The following VPS54 variants were observed in gnomAD, a reference collection of about 807,000 sequenced individuals.
The protein encoded by VPS54 is VPS54 subunit of GARP complex.
A neutral mutation model predicts 121.5 loss-of-function variants in VPS54; 45 were observed. That is an observed-to-expected ratio of 0.37 (90% confidence interval 0.29 to 0.47). The LOEUF (loss-of-function observed/expected upper bound fraction) is 0.47, where lower values mean the gene tolerates loss of function less well. VPS54 is among the 20% of genes least tolerant of loss of function. VPS54 has a pLI of 0.99. For missense variants in VPS54, 1,090 were observed against 1,131.4 expected (o/e 0.96, Z 0.52); for synonymous variants, 371 against 385.8 (o/e 0.96, Z 0.45).
chr2:63,953,879 C>T (rs1364050970), intron 7 of VPS54, among the ~76,000 whole-genome samples: 1 of 152,288 alleles, frequency 6.6e-6, no homozygotes, highest in East Asian at 1.9e-4. Context: ...ACTGTGATTA[C>T]TAATGACACT....
rs367716164 is a variant in VPS54, at chr2:63,979,788, C to T, written c.378+1858G>A. On this transcript the variant is annotated intron_variant, in intron 3 of 22. Coordinates refer to ENST00000272322, the MANE Select transcript of VPS54 (RefSeq NM_016516.3). Reference sequence around the variant, plus strand: ...TTTCCAAATATCTGTGGATTTTCCACCAACCTTTCCATTATTAATTTCTAT... The same window carrying T: ...TTTCCAAATATCTGTGGATTTTCCATCAACCTTTCCATTATTAATTTCTAT... Among the ~76,000 whole-genome samples the T allele has an allele frequency of 1.2e-4, 18 of 152,270 alleles. No individual in the cohort carries two copies. The East Asian group carries it at 2.3e-3, about 20-fold the overall frequency.
intron 22 of VPS54, among the ~76,000 whole-genome samples, chr2:63,896,237 A>G (rs1393429869): frequency 6.6e-6 from 1 of 152,168 alleles, no homozygotes; most frequent in Non-Finnish European, 1.5e-5. Flanking sequence ...GGGTTCAGGT[A>G]TTACGGTTGT....
chr2:63,893,796 TCA>T (rs1672327590), intron 22 of VPS54, among the ~76,000 whole-genome samples: 1 of 152,010 alleles, frequency 6.6e-6, no homozygotes, highest in South Asian at 2.1e-4. Flanking sequence ...CCCAAGAAAA[TCA>T]GATTTATCTT....
Position 63,916,760 on chromosome 2 carries a change from T to C in VPS54, c.2228+140A>G, listed in dbSNP as rs144481145. On this transcript the variant is annotated intron_variant, in intron 16 of 22. Transcript: ENST00000272322. Reference sequence around the variant, plus strand: ...TCCATAAAGTTTCCTTTAAGTTCTTTGCAGGATTTAAAACAGTTAATCCAA... The same window carrying C: ...TCCATAAAGTTTCCTTTAAGTTCTTCGCAGGATTTAAAACAGTTAATCCAA... 7.5e-4 allele frequency: 552 copies of C among 735,136 alleles called. 2 individuals carry two copies. The African/African-American group carries it at 8.9e-3, about 12-fold the overall frequency. 45.5% of individuals were successfully genotyped at this position (735,136 alleles called of 1,614,324 possible).
chr2:63,967,067 G>C (rs953801442), intron 5 of VPS54, among the ~76,000 whole-genome samples: 2 of 151,978 alleles, frequency 1.3e-5, no homozygotes, highest in Non-Finnish European at 2.9e-5. Context: ...TCTCCCTCTG[G>C]AGACCATATG....
At chr2:64,001,212 AAGGGCTCTTCAGTCAGCTTG>A (rs564799092) in intron 1 of VPS54, among the ~76,000 whole-genome samples, 102 of 152,154 alleles carry the variant, frequency 6.7e-4, no homozygotes, top group Non-Finnish European at 1.3e-3. Flanking sequence ...CACAAGATAC[AAGGGCTCTTCAGTCAGCTTG>A]TGGTGAAGGC....
In VPS54 at chr2:64,019,399, G is replaced by A. The variant is rs1678871568; in HGVS notation, c.-482C>T. On this transcript the variant is annotated 5_prime_UTR_variant, in exon 1 of 23. Transcript: ENST00000272322. ...GGTCGGGTGCGGGGAGACAGCGCCGGAGGCCGCCGCAGCCCCCAGCCCACA... is the reference window on the plus strand; with the variant it reads ...GGTCGGGTGCGGGGAGACAGCGCCGAAGGCCGCCGCAGCCCCCAGCCCACA... 6.6e-6 allele frequency among the ~76,000 whole-genome samples: 1 copy of A among 151,060 alleles called. No homozygotes were observed. Among genetic ancestry groups the A allele is most frequent in the East Asian group, 2.0e-4 (1 of 5,114 alleles).
chr2:63,975,040 T>C, intron 3 of VPS54: 5 of 1,548,860 alleles, frequency 3.2e-6, no homozygotes, highest in Non-Finnish European at 3.5e-6. Context: ...TACAGAGTTT[T>C]TGTAGATTTT....
chr2:63,967,098 T>C (rs1449807292), intron 5 of VPS54, among the ~76,000 whole-genome samples: 2 of 152,176 alleles, frequency 1.3e-5, no homozygotes, highest in African/African-American at 4.8e-5. Flanking sequence ...GTTAAATTTA[T>C]AGCTTATTTT....
chr2:63,926,609 A>G (rs1315058142), intron 12 of VPS54, among the ~76,000 whole-genome samples: 11 of 152,196 alleles, frequency 7.2e-5, no homozygotes, highest in African/African-American at 2.4e-4. Flanking sequence ...CAACTGAGGT[A>G]CCTGGTTCAT....
chr2:63,997,857 A>AT lies in VPS54; in HGVS notation c.-20-13839dup, dbSNP rs531992177. On this transcript the variant is annotated intron_variant, in intron 1 of 22. Coordinates refer to ENST00000272322, the MANE Select transcript of VPS54 (RefSeq NM_016516.3). ...AGCTATAAACTTTCCTCTTTGTATCATTTTTGCTGTATCCTCATAGATTTT... is the reference window on the plus strand; with the variant it reads ...AGCTATAAACTTTCCTCTTTGTATCATTTTTTGCTGTATCCTCATAGATTTT... Among the ~76,000 whole-genome samples the AT allele has an allele frequency of 2.6e-5, 4 of 151,452 alleles. No individual in the cohort carries two copies. The South Asian group carries it at 6.3e-4, about 24-fold the overall frequency.
At chr2:64,001,063 T>A (rs565122020) in intron 1 of VPS54, among the ~76,000 whole-genome samples, 68 of 152,364 alleles carry the variant, frequency 4.5e-4, no homozygotes, top group African/African-American at 1.5e-3. Flanking sequence ...TCTATTATAC[T>A]GCAGCTGAGC....
chr2:63,930,989 A>G (rs1171029261), intron 12 of VPS54, among the ~76,000 whole-genome samples: 1 of 152,234 alleles, frequency 6.6e-6, no homozygotes, highest in African/African-American at 2.4e-5. Context: ...GGAGAACTAC[A>G]AACCACTGCT....
At chr2:63,958,958 A>C (rs1273082539) in intron 7 of VPS54, among the ~76,000 whole-genome samples, 2 of 152,208 alleles carry the variant, frequency 1.3e-5, no homozygotes, top group South Asian at 2.1e-4. Flanking sequence ...TTCAAGTAGA[A>C]TATTTCTTAT....
intron 21 of VPS54, 37 bp downstream of exon 21, chr2:63,899,437 T>G: frequency 3.8e-6 from 6 of 1,569,498 alleles, no homozygotes; most frequent in Non-Finnish European, 4.4e-6. Flanking sequence ...TATTGTATGT[T>G]ATATATACAT....
chr2:63,913,615 T>C (rs1673249407), intron 17 of VPS54, among the ~76,000 whole-genome samples: 1 of 152,156 alleles, frequency 6.6e-6, no homozygotes, highest in African/African-American at 2.4e-5. Flanking sequence ...GGAAGTCCTA[T>C]TTTCAAAAGT....
chr2:63,968,179 T>C (rs1327684016), intron 5 of VPS54, among the ~76,000 whole-genome samples: 1 of 152,162 alleles, frequency 6.6e-6, no homozygotes, highest in Non-Finnish European at 1.5e-5. Flanking sequence ...TGAAGGTAAC[T>C]GACTCTCTTC....
chr2:64,009,936 G>C (rs1229123618), intron 1 of VPS54, among the ~76,000 whole-genome samples: 1 of 151,500 alleles, frequency 6.6e-6, no homozygotes, highest in Non-Finnish European at 1.5e-5. Flanking sequence ...CCTGCTTCTG[G>C]ATTCAACTGA....
intron 1 of VPS54, among the ~76,000 whole-genome samples, chr2:64,011,345 G>A (rs1051245989): frequency 1.3e-5 from 2 of 151,710 alleles, no homozygotes; most frequent in Non-Finnish European, 2.9e-5. Context: ...AGGCAGGCAG[G>A]TCACAAGGAC....
Sources: gnomAD v4.1 joint callset for allele counts (sites outside exome capture counted in the v4.1 genomes callset) on GRCh38, gnomAD v4.1.1 for gene constraint, MANE v1.5 for transcripts, NCBI Gene and HGNC (gene_info 2026-07-23, HGNC 2026-07-21) for gene names.